The following COL28A1 variants were observed in gnomAD, a reference collection of about 807,000 sequenced individuals.
COL28A1 encodes collagen alpha-1(XXVIII) chain.
In COL28A1, 161 loss-of-function variants were observed where a neutral mutation model predicts 150.2. The ratio of observed to expected loss-of-function variants is 1.07; its 90% confidence interval spans 0.94 to 1.22. The LOEUF is 1.22. Among genes scored for constraint, COL28A1 ranks in the 50% most tolerant of loss-of-function variants. COL28A1 has a pLI of 0.00. For synonymous variants in COL28A1, 552 were observed against 469.7 expected, an observed-to-expected ratio of 1.18 and a Z score of -2.26; for missense variants, 1,617 against 1,388.3, an observed-to-expected ratio of 1.16 and a Z score of -2.62.
chr7:7,371,012 C>T lies in COL28A1; in HGVS notation c.2909-130G>A, dbSNP rs116468384. On this transcript the variant is annotated intron_variant, in intron 32 of 34. Transcript: ENST00000399429. ...TACTTGAAATCAACTGCTAAGTTAA[C>T]GAACTTATAAAAGCATTTTTACATC... The T allele has an allele frequency of 5.1e-3, 3,306 of 648,264 alleles. 49 individuals carry two copies. The highest frequency in any genetic ancestry group is 0.033 in the African/African-American group (1,796 of 54,512). The allele number at this position is 648,264 out of a possible 1,614,324, so 40.2% of individuals were successfully genotyped here.
intron 33 of COL28A1, among the ~76,000 whole-genome samples, chr7:7,365,316 C>G (rs1453671261): frequency 1.5e-5 from 2 of 134,104 alleles, no homozygotes; most frequent in Non-Finnish European, 1.7e-5. Context: ...CTACTCCAGC[C>G]ACACTGGCCT....
At position 7,531,562 on chromosome 7, in the gene COL28A1, ACCACTTTCACACCAT is replaced by A. The variant is rs762310199; in HGVS notation, c.452_466del (p.Asp151_Val155del). On this transcript the variant is annotated inframe_deletion, in exon 3 of 35. Coordinates refer to ENST00000399429, the MANE Select transcript of COL28A1 (RefSeq NM_001037763.3). ...GTCGATGCCATCAGTCATCAGCAAA[ACCACTTTCACACCAT>A]CCTTACGCCCTTCTCTCTTAAGTAG... 3.0e-5 allele frequency: 48 copies of A among 1,608,154 alleles called. No homozygotes were observed. In the East Asian group the frequency reaches 1.0e-3, roughly 34 times the overall value.
intron 13 of COL28A1, among the ~76,000 whole-genome samples, chr7:7,486,886 T>C (rs1779651223): frequency 6.6e-6 from 1 of 152,220 alleles, no homozygotes; most frequent in Non-Finnish European, 1.5e-5. Flanking sequence ...ACAAGGGATA[T>C]TGGTCTGTAG....
intron 15 of COL28A1, among the ~76,000 whole-genome samples, chr7:7,464,419 C>T (rs1258899516): frequency 6.6e-6 from 1 of 152,194 alleles, no homozygotes; most frequent in East Asian, 1.9e-4. Context: ...GGCAACAAAA[C>T]AAGCCTCAAT....
At chr7:7,463,201 C>CA (rs1335797994) in intron 15 of COL28A1, among the ~76,000 whole-genome samples, 1 of 151,950 alleles carries the variant, frequency 6.6e-6, no homozygotes, top group East Asian at 1.9e-4. Context: ...AGATTCATCG[C>CA]AAAAAAGATC....
At position 7,509,206 on chromosome 7, in the gene COL28A1, C is replaced by G. The variant is rs183342751; in HGVS notation, c.927+1885G>C. Among the ~76,000 whole-genome samples the G allele has an allele frequency of 2.2e-3, 337 of 152,174 alleles. 1 individual carries two copies. Among genetic ancestry groups the G allele is most frequent in the Non-Finnish European group, 3.6e-3 (245 of 68,014 alleles). ...AGTAGAGTGGCACAATGACAGCTCA[C>G]TGCAGCCTCAACCCCCTGGACTCAA... On this transcript the variant is annotated intron_variant, in intron 9 of 34. Transcript: ENST00000399429.
At chr7:7,483,447 T>C (rs1016567440) in intron 13 of COL28A1, among the ~76,000 whole-genome samples, 2 of 152,196 alleles carry the variant, frequency 1.3e-5, no homozygotes, top group Non-Finnish European at 2.9e-5. Context: ...GGGCTCATAA[T>C]GACTAAAAAT....
At position 7,472,049 on chromosome 7, in the gene COL28A1, A is replaced by T. The variant is rs372829083; in HGVS notation, c.1302+2552T>A. 9.2e-5 allele frequency among the ~76,000 whole-genome samples: 14 copies of T among 152,328 alleles called. No individual in the cohort carries two copies. In the South Asian group the frequency reaches 1.0e-3, roughly 11 times the overall value. On this transcript the variant is annotated intron_variant, in intron 15 of 34. Transcript: ENST00000399429. ...AGGTAATAACAACCATCTATGACAA[A>T]CCCATAGCCAACATAATACTGAATG...
chr7:7,449,636 A>T (rs1221104768), intron 18 of COL28A1, among the ~76,000 whole-genome samples: 1 of 152,014 alleles, frequency 6.6e-6, no homozygotes, highest in East Asian at 1.9e-4. Context: ...AGATTCCACA[A>T]ACAGATTTCA....
intron 25 of COL28A1, among the ~76,000 whole-genome samples, chr7:7,425,226 G>A (rs977154196): frequency 1.3e-5 from 2 of 152,078 alleles, no homozygotes; most frequent in African/African-American, 4.8e-5. Context: ...CAAAAACCAG[G>A]CAGTCTGAAG....
intron 33 of COL28A1, among the ~76,000 whole-genome samples, chr7:7,370,105 A>G (rs1781141440): frequency 6.6e-6 from 1 of 152,224 alleles, no homozygotes; most frequent in Non-Finnish European, 1.5e-5. Context: ...CTATGAGGAC[A>G]GTCACATTTG....
chr7:7,457,151 G>A (rs1374546213), intron 15 of COL28A1, among the ~76,000 whole-genome samples: 1 of 152,196 alleles, frequency 6.6e-6, no homozygotes, highest in East Asian at 1.9e-4. Context: ...GCCACTGTAA[G>A]GACTTGGCTA....
At chr7:7,356,194 T>C (rs1320990157), downstream of COL28A1, 4 of 152,194 alleles carry the variant, frequency 2.6e-5, no homozygotes, top group African/African-American at 9.7e-5. Flanking sequence ...TATGACACCA[T>C]TGACACCATT....
At chr7:7,447,218 A>C (rs934204271) in intron 18 of COL28A1, among the ~76,000 whole-genome samples, 64 of 152,294 alleles carry the variant, frequency 4.2e-4, no homozygotes, top group African/African-American at 1.5e-3. Flanking sequence ...AACATCCAAG[A>C]ACAAAGCTCA....
chr7:7,353,678 G>A (rs1481924996), downstream of COL28A1, among the ~76,000 whole-genome samples: 1 of 152,090 alleles, frequency 6.6e-6, no homozygotes, highest in African/African-American at 2.4e-5. Context: ...GGTCAGTCAG[G>A]GAAGAAGGAG....
At chr7:7,477,022 C>T in intron 14 of COL28A1, 90 bp downstream of exon 14, 1 of 749,940 alleles carries the variant, frequency 1.3e-6, no homozygotes, top group Non-Finnish European at 2.4e-6. Flanking sequence ...TAATTAACTT[C>T]TAAAAATTGG....
chr7:7,397,382 C>T (rs1222929948), intron 27 of COL28A1, among the ~76,000 whole-genome samples: 1 of 152,244 alleles, frequency 6.6e-6, no homozygotes, highest in African/African-American at 2.4e-5. Flanking sequence ...AGGATAATCT[C>T]CCCAACTCAG....
intron 27 of COL28A1, among the ~76,000 whole-genome samples, chr7:7,393,688 C>T (rs143283466): frequency 9.8e-5 from 15 of 152,322 alleles, no homozygotes; most frequent in East Asian, 5.8e-4. Context: ...CAGGCTACAG[C>T]GGCATTGCTG....
chr7:7,438,576 A>C (rs1785519986), intron 21 of COL28A1, among the ~76,000 whole-genome samples: 1 of 152,266 alleles, frequency 6.6e-6, no homozygotes, highest in African/African-American at 2.4e-5. Context: ...GTCACCGCAC[A>C]CCGCAAGGTG....
Sources: gnomAD v4.1 joint callset for allele counts (sites outside exome capture counted in the v4.1 genomes callset) on GRCh38, gnomAD v4.1.1 for gene constraint, MANE v1.5 for transcripts, NCBI Gene and HGNC (gene_info 2026-07-23, HGNC 2026-07-21) for gene names.